SLC24A2: variants seen among roughly 807,000 people sequenced by gnomAD.
The protein encoded by SLC24A2 is solute carrier family 24 member 2.
SLC24A2 carries 36 observed loss-of-function variants against 62.0 expected under a neutral mutation model. The observed-to-expected ratio is 0.58, with a 90% CI of 0.44 to 0.77. The LOEUF (loss-of-function observed/expected upper bound fraction) is 0.77, where lower values mean the gene tolerates loss of function less well. Among genes scored for constraint, SLC24A2 ranks in the 30% least tolerant of loss-of-function variants. The pLI is 0.00. For missense variants in SLC24A2, 846 were observed against 817.9 expected (o/e 1.03, Z -0.42); for synonymous variants, 358 against 294.0 (o/e 1.22, Z -2.23).
At chr9:20,219,812 G>A in the SLC24A2 span, among the ~76,000 whole-genome samples, 91 of 152,230 alleles carry the variant, frequency 6.0e-4, no homozygotes, top group African/African-American at 2.0e-3. Flanking sequence ...TTAGCCTTGT[G>A]ATATTTGTTT....
intron 2 of SLC24A2, among the ~76,000 whole-genome samples, chr9:19,709,608 A>T (rs534403484): frequency 5.3e-5 from 8 of 152,014 alleles, no homozygotes; most frequent in Admixed American, 5.2e-4. Context: ...CTTTGTAGGG[A>T]CATGGATGAA....
the SLC24A2 span, among the ~76,000 whole-genome samples, chr9:20,067,408 T>C: frequency 4.6e-5 from 7 of 152,198 alleles, no homozygotes; most frequent in Non-Finnish European, 7.3e-5. Flanking sequence ...TAATTCTATG[T>C]CTGATTTTTA....
chr9:19,788,827 CG>C (rs1480925262), intron 1 of SLC24A2, 57 bp downstream of exon 1: 1 of 985,298 alleles, frequency 1.0e-6, no homozygotes. Flanking sequence ...AACCGGGATG[CG>C]GGGACGACCG....
chr9:20,054,868 C>T, the SLC24A2 span, among the ~76,000 whole-genome samples: 1 of 152,258 alleles, frequency 6.6e-6, no homozygotes, highest in South Asian at 2.1e-4. Flanking sequence ...ATTAATGTTG[C>T]CTCCTCCACC....
chr9:19,965,185 C>T, the SLC24A2 span, among the ~76,000 whole-genome samples: 3 of 152,060 alleles, frequency 2.0e-5, no homozygotes, highest in Non-Finnish European at 4.4e-5. Context: ...ACTTGTATAA[C>T]ACCAGTAGTG....
intron 6 of SLC24A2, among the ~76,000 whole-genome samples, chr9:19,576,463 G>A (rs1031566315): frequency 5.9e-5 from 9 of 152,180 alleles, no homozygotes; most frequent in African/African-American, 2.2e-4. Context: ...CAGTTCAGGA[G>A]TGACCAAGTG....
At chr9:19,807,043 A>G in the SLC24A2 span, among the ~76,000 whole-genome samples, 2 of 152,224 alleles carry the variant, frequency 1.3e-5, no homozygotes, top group Non-Finnish European at 2.9e-5. Context: ...GAAAGAGAAA[A>G]CATAGGGAGA....
the SLC24A2 span, among the ~76,000 whole-genome samples, chr9:20,100,682 C>T: frequency 6.6e-6 from 1 of 152,178 alleles, no homozygotes; most frequent in Admixed American, 6.5e-5. Context: ...TCCAATGCTA[C>T]TACTGATAAG....
intron 9 of SLC24A2, among the ~76,000 whole-genome samples, chr9:19,523,787 A>C (rs1438103943): frequency 2.0e-5 from 3 of 152,138 alleles, no homozygotes; most frequent in African/African-American, 4.8e-5. Flanking sequence ...TATAACTCAG[A>C]CATTACTCCT....
At chr9:20,009,065 A>G in the SLC24A2 span, among the ~76,000 whole-genome samples, 18 of 152,258 alleles carry the variant, frequency 1.2e-4, 1 homozygote, top group African/African-American at 4.1e-4. Context: ...TCCTTCCTTA[A>G]GCTAGCATAG....
chr9:19,545,826 G>A (rs769611859), intron 8 of SLC24A2, among the ~76,000 whole-genome samples: 1 of 152,018 alleles, frequency 6.6e-6, no homozygotes, highest in Non-Finnish European at 1.5e-5. Flanking sequence ...TTTTACTAGA[G>A]ACGGGTTTCA....
intron 2 of SLC24A2, among the ~76,000 whole-genome samples, chr9:19,656,261 T>A (rs1180498298): frequency 1.3e-5 from 2 of 152,150 alleles, no homozygotes; most frequent in African/African-American, 4.8e-5. Context: ...TATAAAAAAA[T>A]GAAGATGGAA....
At chr9:19,895,543 T>C in the SLC24A2 span, among the ~76,000 whole-genome samples, 5 of 104,816 alleles carry the variant, frequency 4.8e-5, no homozygotes, top group Non-Finnish European at 1.2e-4. Flanking sequence ...TCTTTCTTTC[T>C]TTCTTTTTTT....
At chr9:20,238,815 G>T in the SLC24A2 span, among the ~76,000 whole-genome samples, 5 of 152,198 alleles carry the variant, frequency 3.3e-5, no homozygotes, top group African/African-American at 1.2e-4. Context: ...TTAGGGTATA[G>T]TTAAGGTTAA....
intron 4 of SLC24A2, among the ~76,000 whole-genome samples, chr9:19,608,549 G>C (rs180951984): frequency 2.0e-5 from 3 of 152,228 alleles, no homozygotes; most frequent in Admixed American, 2.0e-4. Flanking sequence ...AGTCAGACTT[G>C]GGAGCTGGGT....
In SLC24A2 at chr9:19,544,028, G is replaced by T. The variant is rs565649958; in HGVS notation, c.1479+6109C>A. ...TTGATGTGTCTAATATTGACAGTGG[G>T]GTATTAAATCTCCCACTATTATTGT... On this transcript the variant is annotated intron_variant, in intron 8 of 10. Coordinates refer to ENST00000341998, the MANE Select transcript of SLC24A2 (RefSeq NM_020344.4). 5.9e-5 allele frequency among the ~76,000 whole-genome samples: 9 copies of T among 152,148 alleles called. No homozygotes were observed. The South Asian group carries it at 1.5e-3, about 25-fold the overall frequency.
At chr9:20,238,405 G>C in the SLC24A2 span, among the ~76,000 whole-genome samples, 298 of 152,244 alleles carry the variant, frequency 2.0e-3, 4 homozygotes, top group Middle Eastern at 6.8e-3. Context: ...ATTTCCTTTA[G>C]AGTGGAACTC....
chr9:19,761,899 G>C (rs1339513740), intron 2 of SLC24A2, among the ~76,000 whole-genome samples: 2 of 152,148 alleles, frequency 1.3e-5, no homozygotes, highest in African/African-American at 4.8e-5. Flanking sequence ...CATTTGGGTT[G>C]GTTCCAAGTC....
At chr9:19,576,569 T>C (rs888701868) in intron 6 of SLC24A2, among the ~76,000 whole-genome samples, 1 of 152,194 alleles carries the variant, frequency 6.6e-6, no homozygotes, top group African/African-American at 2.4e-5. Context: ...TAAATGACAC[T>C]GTGTACGTGT....
Sources: allele counts gnomAD v4.1 joint callset (sites outside exome capture counted in the v4.1 genomes callset), GRCh38; gene constraint gnomAD v4.1.1; transcripts MANE v1.5; gene names NCBI Gene and HGNC (gene_info 2026-07-23, HGNC 2026-07-21).